DOCK7: variants seen among roughly 807,000 people sequenced by gnomAD.
DOCK7 encodes dedicator of cytokinesis 7, also known as dedicator of cytokinesis protein 7.
DOCK7 carries 138 observed loss-of-function variants against 271.0 expected under a neutral mutation model. The ratio of observed to expected loss-of-function variants is 0.51; its 90% confidence interval spans 0.44 to 0.59. The LOEUF (loss-of-function observed/expected upper bound fraction) is 0.59, where lower values mean the gene tolerates loss of function less well. Among genes scored for constraint, DOCK7 ranks in the 20% least tolerant of loss-of-function variants. The pLI is 0.00. For missense variants in DOCK7, 2,066 were observed against 2,592.4 expected (o/e 0.80, Z 4.41); for synonymous variants, 823 against 876.1 (o/e 0.94, Z 1.07).
intron 14 of DOCK7, chr1:62,604,322 T>A: frequency 6.6e-7 from 1 of 1,515,758 alleles, no homozygotes; most frequent in South Asian, 1.2e-5. Flanking sequence ...TGACAACTTT[T>A]AAAAATCCGA....
chr1:62,504,913 T>C, intron 36 of DOCK7, 131 bp from the exon 37 acceptor site: 4 of 1,085,932 alleles, frequency 3.7e-6, no homozygotes, highest in Non-Finnish European at 5.1e-6. Context: ...CAATATTAGC[T>C]AATGGTTAAT....
intron 11 of DOCK7, 91 bp from the exon 12 acceptor site, chr1:62,625,492 T>C (rs1653830854): frequency 1.5e-6 from 2 of 1,315,396 alleles, no homozygotes; most frequent in African/African-American, 3.0e-5. Context: ...ATCTACTAAA[T>C]TGAAAATTAC....
rs1657693489 is a variant in DOCK7 at position 62,654,058 on chromosome 1, A to G, written c.246T>C (p.Phe82=). 6.8e-6 allele frequency: 11 copies of G among 1,613,994 alleles called. No homozygotes were observed. The highest frequency in any genetic ancestry group is 9.3e-6 in the Non-Finnish European group (11 of 1,179,922). The change falls in exon 3 of 50, where the codon TTT becomes TTC. Residue 82 remains phenylalanine (F), a synonymous_variant. Transcript: ENST00000635253. The part of the protein sequence containing the change: ...DSGPLRDLIE[F]PPDDIEVVYS... ...AAACAACTTCAATATCATCTGGAGGAAATTCAATCAAATCCCGTAAAGGCC... is the reference window on the plus strand; with the variant it reads ...AAACAACTTCAATATCATCTGGAGGGAATTCAATCAAATCCCGTAAAGGCC...
chr1:62,507,920 T>C, intron 35 of DOCK7, 42 bp downstream of exon 35: 1 of 1,582,436 alleles, frequency 6.3e-7, no homozygotes, highest in Non-Finnish European at 8.7e-7. Flanking sequence ...AACCTCAATT[T>C]ACCAAATCCG....
At chr1:62,506,245 A>T (rs1646932195) in intron 35 of DOCK7, among the ~76,000 whole-genome samples, 1 of 152,090 alleles carries the variant, frequency 6.6e-6, no homozygotes, top group African/African-American at 2.4e-5. Flanking sequence ...ATTTTAGCTG[A>T]AGACTTTGAA....
At chr1:62,482,887 T>C (rs1431739471) in intron 43 of DOCK7, 1 of 152,212 alleles carries the variant, frequency 6.6e-6, no homozygotes, top group Non-Finnish European at 1.5e-5. Flanking sequence ...ACAAAACACA[T>C]TCTTCCAAGA....
chr1:62,457,448 A>C, intron 49 of DOCK7, 90 bp downstream of exon 49: 1 of 1,293,190 alleles, frequency 7.7e-7, no homozygotes, highest in South Asian at 1.4e-5. Flanking sequence ...TTCGGATGAC[A>C]GATGCTCGAG....
chr1:62,556,037 C>T (rs1201374944), intron 20 of DOCK7, 48 bp from the exon 21 acceptor site: 2 of 1,571,246 alleles, frequency 1.3e-6, no homozygotes, highest in South Asian at 1.1e-5. Context: ...TTTTTTTAGA[C>T]TGTAAATTCC....
intron 41 of DOCK7, 71 bp from the exon 42 acceptor site, chr1:62,489,136 T>C: frequency 5.1e-6 from 7 of 1,374,560 alleles, no homozygotes; most frequent in Non-Finnish European, 6.8e-6. Context: ...ATTATATGAA[T>C]TCGCAATATT....
chr1:62,639,846 T>C (rs1185798481), intron 7 of DOCK7, among the ~76,000 whole-genome samples: 3 of 151,834 alleles, frequency 2.0e-5, no homozygotes, highest in Admixed American at 6.6e-5. Flanking sequence ...CAGTGAGCTC[T>C]ACTTTAAGTA....
intron 1 of DOCK7, among the ~76,000 whole-genome samples, chr1:62,670,174 C>T (rs1334402214): frequency 2.0e-5 from 3 of 152,238 alleles, no homozygotes; most frequent in African/African-American, 7.2e-5. Context: ...GCCTCTCACC[C>T]CCTCCGTGGG....
At chr1:62,585,844 A>G (rs762111048) in intron 15 of DOCK7, among the ~76,000 whole-genome samples, 2 of 152,158 alleles carry the variant, frequency 1.3e-5, no homozygotes, top group African/African-American at 2.4e-5. Flanking sequence ...TTGATTCTCA[A>G]CATTGTCTGC....
chr1:62,470,619 C>G (rs1645804370), intron 48 of DOCK7, among the ~76,000 whole-genome samples: 1 of 152,036 alleles, frequency 6.6e-6, no homozygotes, highest in Admixed American at 6.6e-5. Context: ...CATGATGAAA[C>G]CCCATCCCTA....
intron 7 of DOCK7, among the ~76,000 whole-genome samples, chr1:62,645,944 G>A (rs941593367): frequency 9.2e-5 from 14 of 151,840 alleles, no homozygotes; most frequent in Admixed American, 4.6e-4. Flanking sequence ...TCAGGAGATC[G>A]AGACCATCCT....
At chr1:62,688,194 GC>G (rs1186172777) in intron 1 of DOCK7, 32 bp downstream of exon 1, 1 of 1,365,352 alleles carries the variant, frequency 7.3e-7, no homozygotes. Context: ...TTCTCGGGCG[GC>G]GGCGGCGGCG....
chr1:62,665,091 A>T (rs1047617927), intron 1 of DOCK7, among the ~76,000 whole-genome samples: 2 of 152,092 alleles, frequency 1.3e-5, no homozygotes, highest in Admixed American at 6.6e-5. Flanking sequence ...GGTTCAAGCG[A>T]TTCTCCTGCC....
chr1:62,490,497 A>C (rs1439901315), intron 41 of DOCK7, among the ~76,000 whole-genome samples: 5 of 152,186 alleles, frequency 3.3e-5, no homozygotes, highest in African/African-American at 9.6e-5. Flanking sequence ...ATCAGCAAAC[A>C]TATTTTCCCA....
At chr1:62,490,811 T>C (rs983735053) in intron 41 of DOCK7, among the ~76,000 whole-genome samples, 5 of 152,102 alleles carry the variant, frequency 3.3e-5, no homozygotes, top group East Asian at 1.9e-4. Flanking sequence ...AAAAAATTTT[T>C]CCCCCTGCTA....
chr1:62,480,780 G>A (rs188887030), intron 43 of DOCK7, among the ~76,000 whole-genome samples: 156 of 152,082 alleles, frequency 1.0e-3, no homozygotes, highest in African/African-American at 3.6e-3. Flanking sequence ...AGGCCAAGGC[G>A]GGGGGGATCA....
Sources: gnomAD v4.1 joint callset for allele counts (sites outside exome capture counted in the v4.1 genomes callset) on GRCh38, gnomAD v4.1.1 for gene constraint, MANE v1.5 for transcripts, NCBI Gene and HGNC (gene_info 2026-07-23, HGNC 2026-07-21) for gene names.